NAPEPLD: variants seen among roughly 807,000 people sequenced by gnomAD.
NAPEPLD encodes the protein N-acyl-phosphatidylethanolamine-hydrolyzing phospholipase D.
NAPEPLD carries 23 observed loss-of-function variants against 38.1 expected under a neutral mutation model. That is an observed-to-expected ratio of 0.60 (90% CI 0.43 to 0.86). NAPEPLD has a LOEUF of 0.86. Among genes scored for constraint, NAPEPLD ranks in the 40% least tolerant of loss-of-function variants. The pLI is 0.00. For synonymous variants in NAPEPLD, 147 were observed against 162.0 expected (o/e 0.91, Z 0.71); for missense variants, 411 against 476.8 (o/e 0.86, Z 1.28).
chr7:103,132,763 C>A (rs368494821), intron 1 of NAPEPLD, among the ~76,000 whole-genome samples: 1 of 151,736 alleles, frequency 6.6e-6, no homozygotes, highest in Non-Finnish European at 1.5e-5. Flanking sequence ...CCAGCCTGGG[C>A]GACAGAGCGA....
At chr7:103,131,743 G>A (rs573982820) in intron 1 of NAPEPLD, among the ~76,000 whole-genome samples, 19 of 152,136 alleles carry the variant, frequency 1.2e-4, no homozygotes, top group African/African-American at 4.6e-4. Flanking sequence ...GATGGGACTA[G>A]ATTGTGAGCC....
intron 4 of NAPEPLD, among the ~76,000 whole-genome samples, chr7:103,110,199 A>G (rs1315539485): frequency 6.6e-6 from 1 of 152,192 alleles, no homozygotes; most frequent in Non-Finnish European, 1.5e-5. Flanking sequence ...AAAAGAGGGA[A>G]TCCTCCCTAA....
intron 1 of NAPEPLD, among the ~76,000 whole-genome samples, chr7:103,138,192 G>C (rs1160581350): frequency 6.6e-6 from 1 of 151,956 alleles, no homozygotes; most frequent in Non-Finnish European, 1.5e-5. Context: ...TGGCCAGGCA[G>C]GTAGATGATC....
chr7:103,142,979 G>A (rs753436196), intron 1 of NAPEPLD, among the ~76,000 whole-genome samples: 21 of 151,836 alleles, frequency 1.4e-4, no homozygotes, highest in Non-Finnish European at 2.5e-4. Context: ...ATCCCAACAC[G>A]TTGGGAGGCC....
At chr7:103,114,958 ATC>A in intron 4 of NAPEPLD, 100 bp downstream of exon 4, 1 of 790,448 alleles carries the variant, frequency 1.3e-6, no homozygotes, top group Non-Finnish European at 2.1e-6. Context: ...ACTGTGCAGT[ATC>A]TGATTCCAGA....
chr7:103,140,155 A>T (rs1019050974), intron 1 of NAPEPLD, among the ~76,000 whole-genome samples: 3 of 152,196 alleles, frequency 2.0e-5, no homozygotes, highest in African/African-American at 7.2e-5. Flanking sequence ...AGTCTCTGGC[A>T]CACAGTACAT....
intron 4 of NAPEPLD, among the ~76,000 whole-genome samples, chr7:103,106,284 AG>A (rs971259852): frequency 1.8e-4 from 28 of 152,158 alleles, no homozygotes; most frequent in Middle Eastern, 3.4e-3. Flanking sequence ...CTGCCCCACC[AG>A]GGCCCTGGGT....
In NAPEPLD at chr7:103,103,538, G is replaced by A. The variant is rs778846010; in HGVS notation, c.1073C>T (p.Pro358Leu). 3 of 1,587,156 alleles carry A rather than the reference G, an allele frequency of 1.9e-6. No individual in the cohort carries two copies. The highest frequency in any genetic ancestry group is 2.6e-6 in the Non-Finnish European group (3 of 1,172,608). The change falls in exon 5 of 5, where the codon CCA becomes CTA. Residue 358 changes from proline to leucine, a missense_variant. Physicochemically the swap from Pro to Leu is moderately conservative, Grantham distance 98 (BLOSUM62 -3). Coordinates refer to ENST00000465647, the MANE Select transcript of NAPEPLD (RefSeq NM_001122838.3). Reference sequence around the variant, plus strand: ...CTCTAGAGCTTCATTCAGCTTCACTGGAGGCTCTAAGTAATGCTGGCCAAA... The same window carrying A: ...CTCTAGAGCTTCATTCAGCTTCACTAGAGGCTCTAAGTAATGCTGGCCAAA... ...ALANEHYLEPPVKLNEALERY... is the reference protein window; with the variant it reads ...ALANEHYLEPLVKLNEALERY...
intron 3 of NAPEPLD, among the ~76,000 whole-genome samples, chr7:103,117,139 A>G (rs1032134285): frequency 1.3e-5 from 2 of 152,242 alleles, no homozygotes; most frequent in Non-Finnish European, 2.9e-5. Context: ...GTGAAGACCA[A>G]CAGACATGGA....
chr7:103,119,756 C>G lies in NAPEPLD; in HGVS notation c.762G>C (p.Trp254Cys). Residue 254 changes from tryptophan to cysteine, a missense_variant, in exon 3 of 5, where the codon TGG (tryptophan) becomes TGC (cysteine). Trp to Cys is a radical substitution (Grantham distance 215). Coordinates refer to ENST00000465647, the MANE Select transcript of NAPEPLD (RefSeq NM_001122838.3). ...TGTCATCCATTAGAGTCCTTTTACA[C>G]CAGTGCTGGGAAGGTGTAAAGACAA... ...VTFVFTPSQH[W>C]CKRTLMDDNK... 1 of 1,614,144 alleles carries G rather than the reference C, an allele frequency of 6.2e-7. No individual in the cohort carries two copies. Among genetic ancestry groups the G allele is most frequent in the Non-Finnish European group, 8.5e-7 (1 of 1,180,042 alleles).
chr7:103,109,705 A>G (rs1338860304), intron 4 of NAPEPLD, among the ~76,000 whole-genome samples: 1 of 152,162 alleles, frequency 6.6e-6, no homozygotes, highest in African/African-American at 2.4e-5. Context: ...AAGAGCAAAC[A>G]AACTCAAAAG....
intron 1 of NAPEPLD, among the ~76,000 whole-genome samples, chr7:103,142,294 A>G (rs1052242736): frequency 2.6e-5 from 4 of 151,756 alleles, no homozygotes; most frequent in African/African-American, 7.3e-5. Context: ...GGGAAGACTA[A>G]CCACATTGCT....
At chr7:103,108,470 A>ATTTCATATCCAGT (rs1563345753) in intron 4 of NAPEPLD, among the ~76,000 whole-genome samples, 1 of 152,080 alleles carries the variant, frequency 6.6e-6, no homozygotes, top group Admixed American at 6.5e-5. Context: ...TTCAACCCAG[A>ATTTCATATCCAGT]ATTTCATATG....
intron 3 of NAPEPLD, among the ~76,000 whole-genome samples, chr7:103,117,515 A>C (rs1206387660): frequency 6.6e-6 from 1 of 152,234 alleles, no homozygotes; most frequent in Non-Finnish European, 1.5e-5. Context: ...GTGACAGGAG[A>C]TTCCCTAAAG....
rs144464811 is a variant in NAPEPLD, at chr7:103,120,109, C to T, written c.409G>A (p.Val137Met). 1.2e-4 allele frequency: 187 copies of T among 1,614,188 alleles called. No homozygotes were observed. The African/African-American group carries it at 2.1e-3, about 19-fold the overall frequency. Reference protein sequence around the residue: ...VTWLGHATVMVEMDELIFLTD... With the variant: ...VTWLGHATVMMEMDELIFLTD... The stretch of plus-strand genomic sequence containing the variant: ...AGAAATATGAGCTCATCCATTTCCA[C>T]CATTACCGTGGCATGTCCCAGCCAT... The change falls in exon 3 of 5, where the codon GTG becomes ATG. Residue 137 changes from valine (V) to methionine (M), a missense_variant. Transcript: ENST00000465647.
At chr7:103,111,997 G>GA (rs201684120) in intron 4 of NAPEPLD, among the ~76,000 whole-genome samples, 31 of 147,828 alleles carry the variant, frequency 2.1e-4, no homozygotes, top group African/African-American at 5.7e-4. Flanking sequence ...ACAAACATAT[G>GA]AAAAAAAAAA....
Position 103,119,744 on chromosome 7 carries a change from A to C in NAPEPLD, c.774T>G (p.Thr258=). The C allele has an allele frequency of 6.2e-7, 1 of 1,614,192 alleles. No homozygotes were observed. The highest frequency in any genetic ancestry group is 8.5e-7 in the Non-Finnish European group (1 of 1,180,028). Residue 258 remains threonine (T), a synonymous_variant, in exon 3 of 5, where the codon ACT becomes ACG. Coordinates refer to ENST00000465647, the MANE Select transcript of NAPEPLD (RefSeq NM_001122838.3). ...FTPSQHWCKR[T]LMDDNKVLWG... is the part of the protein sequence containing the mutation. ...ATAGCACCTTGTTGTCATCCATTAGAGTCCTTTTACACCAGTGCTGGGAAG... is the reference window on the plus strand; with the variant it reads ...ATAGCACCTTGTTGTCATCCATTAGCGTCCTTTTACACCAGTGCTGGGAAG...
At chr7:103,121,625 T>G (rs531115864) in intron 2 of NAPEPLD, among the ~76,000 whole-genome samples, 1 of 152,364 alleles carries the variant, frequency 6.6e-6, no homozygotes, top group Non-Finnish European at 1.5e-5. Flanking sequence ...GTGCAGCACA[T>G]GATGGAACAT....
At chr7:103,115,018 TG>T (rs1356122303) in intron 4 of NAPEPLD, 41 bp downstream of exon 4, 1 of 1,464,974 alleles carries the variant, frequency 6.8e-7, no homozygotes, top group Non-Finnish European at 9.5e-7. Context: ...ATCCTATCAT[TG>T]GTCAAACACA....
Sources: gnomAD v4.1 joint callset for allele counts (sites outside exome capture counted in the v4.1 genomes callset) on GRCh38, gnomAD v4.1.1 for gene constraint, MANE v1.5 for transcripts, NCBI Gene and HGNC (gene_info 2026-07-23, HGNC 2026-07-21) for gene names.